The following ITGA6 variants were observed in gnomAD, a reference collection of about 807,000 sequenced individuals.
ITGA6 encodes integrin subunit alpha 6, also known as integrin alpha-6.
In ITGA6, 63 loss-of-function variants were observed where a neutral mutation model predicts 133.6. That is an observed-to-expected ratio of 0.47 (90% CI 0.38 to 0.58). The LOEUF (loss-of-function observed/expected upper bound fraction) is 0.58. Ranked by LOEUF, ITGA6 falls within the 20% of genes least tolerant of loss-of-function variation. The probability of loss-of-function intolerance (pLI) is 0.00; values close to 1 mark genes in which losing one functional copy is unlikely to be tolerated. For synonymous variants in ITGA6, 434 were observed against 482.0 expected (o/e 0.90, Z 1.30); for missense variants, 1,068 against 1,309.4 (o/e 0.82, Z 2.85).
Position 172,487,390 on chromosome 2 carries a change from A to T in ITGA6, c.2097A>T (p.Lys699Asn). 3 of 1,614,218 alleles carry T rather than the reference A, an allele frequency of 1.9e-6. No homozygotes were observed. Among genetic ancestry groups the T allele is most frequent in the Non-Finnish European group, 2.5e-6 (3 of 1,180,014 alleles). ...TKDGDDAHEA[K>N]LIATFPDTLT... ...ATGGCGATGACGCCCATGAGGCTAA[A>T]CTGATTGCAACGTTTCCAGACACTT... is the stretch of plus-strand genomic sequence containing the variant. Residue 699 changes from lysine to asparagine, a missense_variant, in exon 15 of 26, where the codon AAA becomes AAT. By Grantham distance (94) the Lys-to-Asn change is moderately conservative (BLOSUM62 0). Around this residue, in one of 3 missense-constraint regions of ITGA6, gnomAD observed 609 missense variants for 707.2 expected, o/e 0.86. Transcript: ENST00000684293.
chr2:172,476,196 T>C (rs1270386163), intron 8 of ITGA6, among the ~76,000 whole-genome samples, 199 bp from the exon 9 acceptor site: 1 of 152,214 alleles, frequency 6.6e-6, no homozygotes, highest in East Asian at 1.9e-4. Flanking sequence ...AGATACTATG[T>C]AAATCGGATG....
chr2:172,446,671 G>A (rs758120008), intron 1 of ITGA6, among the ~76,000 whole-genome samples: 3 of 152,122 alleles, frequency 2.0e-5, no homozygotes, highest in Non-Finnish European at 2.9e-5. Context: ...CTGATAAGTC[G>A]GGTATCTGGT....
rs767441308 is a variant in ITGA6, at chr2:172,456,946, AGTTGT to A, written c.183-8591_183-8587del. Among the ~76,000 whole-genome samples the A allele has an allele frequency of 8.0e-3, 1,214 of 152,282 alleles. 11 individuals are homozygous for A. Among genetic ancestry groups the A allele is most frequent in the South Asian group, 0.034 (165 of 4,826 alleles). ...ATCTAAAAGGACCTCAATCCATTTT[AGTTGT>A]GAATGCTGATAGAGGTTAACTTTGG... On this transcript the variant is annotated intron_variant, in intron 1 of 25. Transcript: ENST00000684293.
intron 23 of ITGA6, among the ~76,000 whole-genome samples, chr2:172,493,949 T>C (rs1219232726): frequency 6.6e-6 from 1 of 152,210 alleles, no homozygotes; most frequent in Non-Finnish European, 1.5e-5. Context: ...CCAGTGGGAA[T>C]TGATGTCTTC....
chr2:172,472,834 G>A (rs373018773), intron 5 of ITGA6: 34 of 1,612,616 alleles, frequency 2.1e-5, no homozygotes, highest in African/African-American at 1.2e-4. Flanking sequence ...TATAAAACAC[G>A]GCCTCCCCGG....
intron 10 of ITGA6, 57 bp from the exon 11 acceptor site, chr2:172,479,933 G>A: frequency 8.1e-7 from 1 of 1,240,830 alleles, no homozygotes; most frequent in Admixed American, 1.7e-5. Context: ...GAACATGTTG[G>A]GTTTTTTCCA....
intron 1 of ITGA6, among the ~76,000 whole-genome samples, chr2:172,429,098 A>T (rs1483021352): frequency 6.6e-6 from 1 of 152,148 alleles, no homozygotes; most frequent in Non-Finnish European, 1.5e-5. Context: ...GGGATTTTAG[A>T]ACTGGAGGAA....
intron 13 of ITGA6, among the ~76,000 whole-genome samples, chr2:172,485,578 T>C (rs1294264928): frequency 2.0e-5 from 3 of 152,182 alleles, no homozygotes; most frequent in Admixed American, 2.0e-4. Flanking sequence ...GAAAGAAAAA[T>C]ACATTGTGTT....
rs1349129860 is a variant in ITGA6, at chr2:172,428,528, T to TA, written c.182+559dup. 5 of 139,174 alleles carry TA rather than the reference T, an allele frequency of 3.6e-5. 1 individual carries two copies. The South Asian group carries it at 1.1e-3, about 31-fold the overall frequency. 8.6% of individuals were successfully genotyped at this position (139,174 alleles called of 1,614,324 possible). On this transcript the variant is annotated intron_variant, in intron 1 of 25. Transcript: ENST00000684293. ...CAAGGCGGGGGCGCTCCTTAGGAGA[T>TA]ACTTTTACATGCCTTTGAAAAAAAA...
intron 1 of ITGA6, among the ~76,000 whole-genome samples, chr2:172,431,668 G>A (rs560992381): frequency 8.1e-4 from 124 of 152,298 alleles, no homozygotes; most frequent in African/African-American, 2.8e-3. Context: ...GTGCCATGTG[G>A]CCCAGGGCCA....
chr2:172,451,547 T>C (rs1009789965), intron 1 of ITGA6, among the ~76,000 whole-genome samples: 3 of 151,308 alleles, frequency 2.0e-5, no homozygotes, highest in African/African-American at 2.4e-5. Flanking sequence ...AAATATGAGA[T>C]GTTAAGTGGA....
At chr2:172,447,291 G>A (rs765245848) in intron 1 of ITGA6, among the ~76,000 whole-genome samples, 7 of 151,942 alleles carry the variant, frequency 4.6e-5, no homozygotes, top group South Asian at 2.1e-4. Context: ...TGTGATCTCC[G>A]CCTCCCAGGT....
At chr2:172,478,604 A>G (rs1686283759) in intron 9 of ITGA6, among the ~76,000 whole-genome samples, 2 of 152,238 alleles carry the variant, frequency 1.3e-5, no homozygotes, top group African/African-American at 2.4e-5. Flanking sequence ...CAGCCAAAAC[A>G]TACGAAAAGA....
chr2:172,457,295 CAAAAA>C (rs71403305), intron 1 of ITGA6, among the ~76,000 whole-genome samples: 1 of 79,352 alleles, frequency 1.3e-5, no homozygotes, highest in African/African-American at 4.9e-5. Flanking sequence ...ATTCTGTCTC[CAAAAA>C]AAAAAAAAAA....
chr2:172,500,416 G>T (rs1460784042), intron 24 of ITGA6, among the ~76,000 whole-genome samples: 1 of 152,140 alleles, frequency 6.6e-6, no homozygotes, highest in Non-Finnish European at 1.5e-5. Flanking sequence ...GGATCACGAC[G>T]TCAGGAGATG....
At chr2:172,461,096 G>T (rs978805147) in intron 1 of ITGA6, among the ~76,000 whole-genome samples, 1 of 152,208 alleles carries the variant, frequency 6.6e-6, no homozygotes, top group Non-Finnish European at 1.5e-5. Context: ...AAATAACCTT[G>T]TGTTCATAGC....
In ITGA6 at chr2:172,504,840, T is replaced by C. The variant is rs1278293249; in HGVS notation, c.*772T>C. On this transcript the variant is annotated 3_prime_UTR_variant, in exon 26 of 26. Coordinates refer to ENST00000684293, the MANE Select transcript of ITGA6 (RefSeq NM_000210.4). ...ATGCATACAAGTTTCATTCTCCCTTTCACTAAAACACACAGGTGCAACAGA... is the reference window on the plus strand; with the variant it reads ...ATGCATACAAGTTTCATTCTCCCTTCCACTAAAACACACAGGTGCAACAGA... The C allele has an allele frequency of 6.5e-6, 1 of 152,712 alleles. No individual in the cohort carries two copies. Among genetic ancestry groups the C allele is most frequent in the Admixed American group, 6.5e-5 (1 of 15,286 alleles). The allele number at this position is 152,712 out of a possible 1,614,324, so 9.5% of individuals were successfully genotyped here. A position where few individuals can be genotyped will look rare whatever the true frequency, so the allele number is the denominator to read the frequency against.
Position 172,484,810 on chromosome 2 carries a change from A to G in ITGA6, c.1578A>G (p.Lys526=). ...ISIVGTLEAE[K]ERRKSGLSSR... Reference sequence around the variant, plus strand: ...TTGTGGGCACACTTGAAGCTGAAAAAGAAAGAAGAAAATCTGGGCTATCCT... The same window carrying G: ...TTGTGGGCACACTTGAAGCTGAAAAGGAAAGAAGAAAATCTGGGCTATCCT... Residue 526 remains lysine (K), a synonymous_variant, in exon 12 of 26, where the codon AAA becomes AAG. Coordinates refer to ENST00000684293, the MANE Select transcript of ITGA6 (RefSeq NM_000210.4). 2 of 1,614,164 alleles carry G rather than the reference A, an allele frequency of 1.2e-6. No individual in the cohort carries two copies. Among genetic ancestry groups the G allele is most frequent in the Non-Finnish European group, 8.5e-7 (1 of 1,179,998 alleles).
At chr2:172,487,225 G>T (rs1686722231) in intron 14 of ITGA6, 39 bp from the exon 15 acceptor site, 1 of 1,569,808 alleles carries the variant, frequency 6.4e-7, no homozygotes, top group Non-Finnish European at 8.8e-7. Flanking sequence ...ACGTATTGAG[G>T]ACTTTGCCTT....
Sources: allele counts gnomAD v4.1 joint callset (sites outside exome capture counted in the v4.1 genomes callset), GRCh38; gene constraint gnomAD v4.1.1; regional missense constraint gnomAD v4.1.1; transcripts MANE v1.5; gene names NCBI Gene and HGNC (gene_info 2026-07-23, HGNC 2026-07-21).